The following ATP7A variants were observed in gnomAD, a reference collection of about 807,000 sequenced individuals.
ATP7A encodes the protein ATPase copper transporting alpha, also known as copper-transporting ATPase 1.
Under a neutral mutation model 83.5 loss-of-function variants are expected in ATP7A, and 7 were observed. The observed-to-expected ratio is 0.08, with a 90% CI of 0.05 to 0.16. The LOEUF (loss-of-function observed/expected upper bound fraction) is 0.16. ATP7A is among the 10% of genes least tolerant of loss of function. The pLI is 1.00. For missense variants in ATP7A, 940 were observed against 1,120.8 expected (o/e 0.84, Z 2.30); for synonymous variants, 354 against 395.2 (o/e 0.90, Z 1.24).
chrX:78,003,364 A>T, intron 6 of ATP7A, 128 bp downstream of exon 6: 4 of 666,621 alleles, frequency 6.0e-6, no homozygotes, highest in Non-Finnish European at 9.6e-6. Flanking sequence ...TGGAAAATGG[A>T]AGGATAAGGT....
rs149086849 is a variant in ATP7A, at chrX:78,015,593, A to G, written c.2499-161A>G. Among the ~76,000 whole-genome samples the G allele has an allele frequency of 1.4e-3, 160 of 112,353 alleles. 2 individuals carry two copies. The East Asian group carries it at 0.026, about 18-fold the overall frequency. ...AGCTACTGTGCTGTTCACTAACAGT[A>G]AGCAAGACTGACATACTAGTTCCTA... On this transcript the variant is annotated intron_variant, in intron 11 of 22. Coordinates refer to ENST00000341514, the MANE Select transcript of ATP7A (RefSeq NM_000052.7).
intron 20 of ATP7A, 120 bp from the exon 21 acceptor site, chrX:78,043,197 G>C: frequency 1.7e-6 from 1 of 598,123 alleles, no homozygotes; most frequent in East Asian, 3.3e-5. Context: ...TCTGAGATTT[G>C]TAATTAATTC....
intron 1 of ATP7A, among the ~76,000 whole-genome samples, chrX:77,917,336 C>T (rs1247230187): frequency 9.0e-6 from 1 of 111,393 alleles, no homozygotes; most frequent in Admixed American, 9.6e-5. Context: ...ATACACTGTT[C>T]TGGAGAGGGT....
At chrX:77,924,648 T>C (rs1160292563) in intron 1 of ATP7A, 1 of 112,084 alleles carries the variant, frequency 8.9e-6, no homozygotes, top group African/African-American at 3.2e-5. Context: ...GATTCAGCTT[T>C]GAATAAGAGA....
At chrX:77,946,275 G>A (rs978257896) in intron 1 of ATP7A, among the ~76,000 whole-genome samples, 2 of 106,704 alleles carry the variant, frequency 1.9e-5, no homozygotes, top group Non-Finnish European at 1.9e-5. Context: ...ACTCCAGCCT[G>A]GGTGACAGGG....
chrX:77,945,671 A>T (rs1557226113), intron 1 of ATP7A, among the ~76,000 whole-genome samples: 1 of 112,187 alleles, frequency 8.9e-6, no homozygotes, highest in Non-Finnish European at 1.9e-5. Flanking sequence ...CAGAATAGTA[A>T]TTTGCCAAAT....
intron 2 of ATP7A, among the ~76,000 whole-genome samples, chrX:77,975,025 AC>A (rs1417943654): frequency 1.8e-5 from 2 of 112,458 alleles, no homozygotes; most frequent in African/African-American, 6.5e-5. Context: ...TCTACCCTAT[AC>A]CCATCACCTA....
intron 1 of ATP7A, among the ~76,000 whole-genome samples, chrX:77,919,014 A>G (rs921992004): frequency 8.0e-5 from 9 of 111,805 alleles, no homozygotes; most frequent in Middle Eastern, 4.2e-3. Context: ...ATTCTATTTA[A>G]GTATACTCAT....
intron 2 of ATP7A, among the ~76,000 whole-genome samples, chrX:77,983,716 T>C (rs782069878): frequency 8.1e-5 from 9 of 111,556 alleles, no homozygotes; most frequent in Admixed American, 5.7e-4. Flanking sequence ...TTTTTTTTTT[T>C]CCGAGACGGA....
chrX:78,031,662 CTG>C, intron 16 of ATP7A, 80 bp downstream of exon 16: 1 of 1,029,115 alleles, frequency 9.7e-7, no homozygotes, highest in Non-Finnish European at 1.4e-6. Flanking sequence ...TGGTGTTTGA[CTG>C]TGATTTGCAT....
At chrX:77,974,189 G>A (rs2077564265) in intron 2 of ATP7A, among the ~76,000 whole-genome samples, 1 of 108,766 alleles carries the variant, frequency 9.2e-6, no homozygotes, top group African/African-American at 3.4e-5. Context: ...TGTGACCCAG[G>A]CTGGAGTACA....
At chrX:77,965,609 A>AT (rs1306144157) in intron 1 of ATP7A, among the ~76,000 whole-genome samples, 1 of 111,710 alleles carries the variant, frequency 9.0e-6, no homozygotes, top group Non-Finnish European at 1.9e-5. Flanking sequence ...TCCTCAAACA[A>AT]TTAAACATAG....
At chrX:77,987,768 AT>A (rs2077646929) in intron 2 of ATP7A, among the ~76,000 whole-genome samples, 3 of 111,059 alleles carry the variant, frequency 2.7e-5, no homozygotes, top group African/African-American at 9.8e-5. Flanking sequence ...ATTGAACATT[AT>A]TTTTATTTTT....
intron 21 of ATP7A, among the ~76,000 whole-genome samples, chrX:78,044,152 A>T (rs1203641088): frequency 2.8e-5 from 3 of 105,805 alleles, no homozygotes; most frequent in African/African-American, 1.0e-4. Flanking sequence ...TACTCGGGAG[A>T]CGGAGGCAGT....
chrX:77,951,610 C>T (rs182179657), intron 1 of ATP7A, among the ~76,000 whole-genome samples: 1,216 of 105,776 alleles, frequency 0.011, 9 homozygotes, highest in Non-Finnish European at 0.017. Flanking sequence ...GATGGAGTCT[C>T]GCTCTGTCAC....
chrX:77,995,525 G>A (rs1388271801), intron 4 of ATP7A, among the ~76,000 whole-genome samples: 12 of 89,268 alleles, frequency 1.3e-4, no homozygotes, highest in Non-Finnish European at 2.5e-4. Flanking sequence ...CCGAGATTGC[G>A]CCACTGCACT....
At chrX:78,045,353 C>A in intron 21 of ATP7A, 117 bp from the exon 22 acceptor site, 1 of 692,892 alleles carries the variant, frequency 1.4e-6, no homozygotes, top group East Asian at 3.3e-5. Context: ...TCTCTACCAC[C>A]AAGAGGATAA....
intron 4 of ATP7A, among the ~76,000 whole-genome samples, chrX:77,992,341 G>GA (rs2077674803): frequency 9.0e-6 from 1 of 110,835 alleles, no homozygotes; most frequent in African/African-American, 3.3e-5. Context: ...GGGATTACAG[G>GA]CGTGAGCCAC....
chrX:77,926,466 G>A (rs1159473043), intron 1 of ATP7A, among the ~76,000 whole-genome samples: 1 of 109,610 alleles, frequency 9.1e-6, no homozygotes, highest in Non-Finnish European at 1.9e-5. Context: ...GAGTAGCTGG[G>A]GCAACAGGCG....
Sources: allele counts gnomAD v4.1 joint callset (sites outside exome capture counted in the v4.1 genomes callset), GRCh38; gene constraint gnomAD v4.1.1; transcripts MANE v1.5; gene names NCBI Gene and HGNC (gene_info 2026-07-23, HGNC 2026-07-21).